Variants in MICAL3 observed in about 807,000 individuals in gnomAD.
MICAL3 encodes the protein [F-actin]-monooxygenase MICAL3.
In MICAL3, 62 loss-of-function variants were observed where a neutral mutation model predicts 207.4. The ratio of observed to expected loss-of-function variants is 0.30; its 90% CI spans 0.24 to 0.37. The LOEUF (loss-of-function observed/expected upper bound fraction) is 0.37, where lower values mean the gene tolerates loss of function less well. Among genes scored for constraint, MICAL3 ranks in the 10% least tolerant of loss-of-function variants. The pLI is 1.00. For missense variants in MICAL3, 2,368 were observed against 2,635.6 expected (o/e 0.90, Z 2.22); for synonymous variants, 1,077 against 1,069.3 (o/e 1.01, Z -0.14).
In MICAL3 at chr22:17,891,548, G is replaced by C. The variant is rs758573913; in HGVS notation, c.1631C>G (p.Thr544Ser). 9 of 1,613,928 alleles carry C rather than the reference G, an allele frequency of 5.6e-6. No homozygotes were observed. In the Admixed American group the frequency reaches 1.5e-4, roughly 27 times the overall value. Residue 544 changes from threonine (T) to serine (S), a missense_variant, in exon 12 of 32, where the codon ACC becomes AGC. Physicochemically the swap from Thr to Ser is moderately conservative, Grantham distance 58. Around this residue, in one of 4 missense-constraint regions of MICAL3, gnomAD observed 51 missense variants for 87.8 expected, o/e 0.58. Coordinates refer to ENST00000441493, the MANE Select transcript of MICAL3 (RefSeq NM_015241.3). ...GYAGVNVTDL[T>S]MSWKSGLALC... Reference sequence around the variant, plus strand: ...GGCCAAGCCACTTTTCCAGGACATGGTGAGATCTGTCACGTTTACCCCTGC... The same window carrying C: ...GGCCAAGCCACTTTTCCAGGACATGCTGAGATCTGTCACGTTTACCCCTGC...
intron 1 of MICAL3, among the ~76,000 whole-genome samples, chr22:17,935,664 T>G (rs1372836406): frequency 6.6e-6 from 1 of 152,082 alleles, no homozygotes; most frequent in African/African-American, 2.4e-5. Context: ...GGGAGAAAAT[T>G]TTTGCAATCT....
At chr22:17,829,975 G>A (rs1922625825) in intron 21 of MICAL3, among the ~76,000 whole-genome samples, 1 of 152,174 alleles carries the variant, frequency 6.6e-6, no homozygotes, top group Admixed American at 6.5e-5. Flanking sequence ...ATAAAACACA[G>A]ACCTTTGTCT....
intron 21 of MICAL3, 44 bp from the exon 22 acceptor site, chr22:17,827,825 G>A: frequency 2.6e-6 from 4 of 1,517,354 alleles, no homozygotes; most frequent in Non-Finnish European, 3.6e-6. Flanking sequence ...GGTGGGGAAG[G>A]AGGGGATGAA....
intron 19 of MICAL3, among the ~76,000 whole-genome samples, chr22:17,849,333 G>A (rs1484617145): frequency 6.6e-6 from 1 of 152,130 alleles, no homozygotes; most frequent in Non-Finnish European, 1.5e-5. Flanking sequence ...AATCAATCAT[G>A]CAGGAAAGAA....
intron 19 of MICAL3, among the ~76,000 whole-genome samples, chr22:17,847,225 G>A (rs1295496658): frequency 6.6e-6 from 1 of 152,182 alleles, no homozygotes; most frequent in African/African-American, 2.4e-5. Context: ...GAAGGGTGTC[G>A]CGTAGGAAAT....
chr22:17,861,028 TC>T, intron 19 of MICAL3: 1 of 985,438 alleles, frequency 1.0e-6, no homozygotes, highest in Non-Finnish European at 1.2e-6. Context: ...CATTCACACA[TC>T]ACCGTCAGCT....
At chr22:18,005,775 G>C (rs1434085072) in intron 1 of MICAL3, 2 of 152,212 alleles carry the variant, frequency 1.3e-5, no homozygotes, top group African/African-American at 4.8e-5. Flanking sequence ...ACTTCTGTGT[G>C]CAATGCTGCT....
chr22:17,951,674 T>G (rs934217442), intron 1 of MICAL3, among the ~76,000 whole-genome samples: 1 of 151,724 alleles, frequency 6.6e-6, no homozygotes, highest in African/African-American at 2.4e-5. Context: ...TACTTGCCTC[T>G]AGAAAACCAG....
At chr22:17,972,365 T>A (rs1401993600) in intron 1 of MICAL3, among the ~76,000 whole-genome samples, 1 of 152,162 alleles carries the variant, frequency 6.6e-6, no homozygotes, top group African/African-American at 2.4e-5. Flanking sequence ...ACAACGGGTT[T>A]CCCAAAGAGG....
At chr22:17,946,027 G>A (rs948757684) in intron 1 of MICAL3, among the ~76,000 whole-genome samples, 4 of 152,174 alleles carry the variant, frequency 2.6e-5, no homozygotes, top group South Asian at 2.1e-4. Context: ...AGTCAGGACC[G>A]GAAATCCTCG....
At chr22:17,884,122 T>C (rs573663082) in intron 16 of MICAL3, among the ~76,000 whole-genome samples, 77 of 152,368 alleles carry the variant, frequency 5.1e-4, no homozygotes, top group African/African-American at 1.8e-3. Flanking sequence ...GCCTGTTCAA[T>C]GTTTTCCCAG....
Position 17,793,161 on chromosome 22 carries a change from G to C in MICAL3, c.5651-1860C>G, listed in dbSNP as rs961355894. 5.3e-5 allele frequency among the ~76,000 whole-genome samples: 8 copies of C among 152,224 alleles called. No individual in the cohort carries two copies. The highest frequency in any genetic ancestry group is 1.9e-4 in the African/African-American group (8 of 41,454). On this transcript the variant is annotated intron_variant, in intron 29 of 31. Transcript: ENST00000441493. This position sits in a 1 kb window ranked among gnomAD's most constrained non-coding sequence, Gnocchi z 4.1. Reference sequence around the variant, plus strand: ...GTCGGGTGAGCGCTGTGGACGGCAGGTAAGAGTTAGCAGGGTTAGTCACGG... The same window carrying C: ...GTCGGGTGAGCGCTGTGGACGGCAGCTAAGAGTTAGCAGGGTTAGTCACGG...
chr22:17,943,086 A>G (rs570187043), intron 1 of MICAL3, among the ~76,000 whole-genome samples: 2 of 152,288 alleles, frequency 1.3e-5, no homozygotes, highest in East Asian at 3.9e-4. Context: ...TCTTCTGATT[A>G]TTTTTTATTT....
intron 29 of MICAL3, among the ~76,000 whole-genome samples, chr22:17,799,676 C>A (rs530530875): frequency 6.6e-6 from 1 of 152,284 alleles, no homozygotes; most frequent in Admixed American, 6.5e-5. Flanking sequence ...ATGACAAACA[C>A]CATGGCCCTG....
intron 1 of MICAL3, among the ~76,000 whole-genome samples, chr22:17,992,215 G>A (rs957657887): frequency 1.3e-5 from 2 of 152,190 alleles, no homozygotes; most frequent in South Asian, 4.1e-4. Context: ...AAGGGAAATG[G>A]TCCCAGCCTT....
intron 1 of MICAL3, among the ~76,000 whole-genome samples, chr22:17,979,929 GCAATCCT>G (rs1180543844): frequency 3.3e-5 from 5 of 152,166 alleles, no homozygotes; most frequent in African/African-American, 1.2e-4. Flanking sequence ...CTGGGCTCAA[GCAATCCT>G]CCTGGCCTCA....
intron 1 of MICAL3, among the ~76,000 whole-genome samples, chr22:17,921,501 G>A (rs1229968298): frequency 1.3e-5 from 2 of 152,078 alleles, no homozygotes; most frequent in African/African-American, 2.4e-5. Context: ...CTTTTCTTTT[G>A]TGTGTGTGAT....
chr22:17,986,489 C>G (rs372329003), intron 1 of MICAL3, among the ~76,000 whole-genome samples: 2 of 152,002 alleles, frequency 1.3e-5, no homozygotes, highest in Non-Finnish European at 1.5e-5. Flanking sequence ...CACTGCACTC[C>G]AGCCTGGGCA....
At chr22:18,020,496 A>G (rs369201) in intron 1 of MICAL3, among the ~76,000 whole-genome samples, 15,846 of 151,474 alleles carry the variant, frequency 0.1, 1,187 homozygotes, top group African/African-American at 0.21. Flanking sequence ...GTTTAAAATA[A>G]TGTAATCATC....
Sources: gnomAD v4.1 joint callset for allele counts (sites outside exome capture counted in the v4.1 genomes callset) on GRCh38, gnomAD v4.1.1 for gene constraint, gnomAD v4.1.1 regional missense constraint, Gnocchi (gnomAD v3.1) non-coding constraint, MANE v1.5 for transcripts, NCBI Gene and HGNC (gene_info 2026-07-23, HGNC 2026-07-21) for gene names.